Variants in DLG2 observed in about 807,000 individuals in gnomAD.
The protein encoded by DLG2 is disks large homolog 2.
A neutral mutation model predicts 132.5 loss-of-function variants in DLG2; 45 were observed. The observed-to-expected ratio is 0.34, with a 90% CI of 0.27 to 0.44. The LOEUF is 0.44. Among genes scored for constraint, DLG2 ranks in the 20% least tolerant of loss-of-function variants. The pLI is 1.00. For missense variants in DLG2, 1,045 were observed against 1,196.9 expected, an observed-to-expected ratio of 0.87 and a Z score of 1.87; for synonymous variants, 424 against 419.6, an observed-to-expected ratio of 1.01 and a Z score of -0.13.
intron 3 of DLG2, among the ~76,000 whole-genome samples, chr11:85,475,929 C>T (rs1033975617): frequency 4.6e-5 from 7 of 151,982 alleles, no homozygotes; most frequent in Non-Finnish European, 7.4e-5. Flanking sequence ...TAGCAAACTA[C>T]GAATAGACGT....
At chr11:84,712,866 C>G (rs750587670) in intron 6 of DLG2, among the ~76,000 whole-genome samples, 1 of 152,020 alleles carries the variant, frequency 6.6e-6, no homozygotes, top group East Asian at 1.9e-4. Context: ...GAGGTCATGA[C>G]GTAGAAAGAA....
rs56128900 is a variant in DLG2 at position 85,301,932 on chromosome 11, T to C, written c.41-16567A>G. Among the ~76,000 whole-genome samples, 576 of 152,306 alleles carry C rather than the reference T, an allele frequency of 3.8e-3. 4 individuals are homozygous for C. Among genetic ancestry groups the C allele is most frequent in the African/African-American group, 0.013 (545 of 41,578 alleles). On this transcript the variant is annotated intron_variant, in intron 3 of 27. Transcript: ENST00000376104. ...TCATAAAATTGATTCATTTAGAAAA[T>C]GGCTATTCTCTCTGTGTTATTATTT...
intron 6 of DLG2, among the ~76,000 whole-genome samples, chr11:84,804,153 A>C (rs2075739774): frequency 6.6e-6 from 1 of 152,204 alleles, no homozygotes; most frequent in Non-Finnish European, 1.5e-5. Context: ...TTTCAAATTG[A>C]CTAGTCTTTG....
At chr11:85,216,734 T>A (rs2082628293) in intron 4 of DLG2, among the ~76,000 whole-genome samples, 1 of 151,982 alleles carries the variant, frequency 6.6e-6, no homozygotes, top group Admixed American at 6.6e-5. Context: ...TCTCACTCTG[T>A]CACCCAGGCT....
At chr11:85,053,796 CAAAAAAAAA>C (rs34604489) in intron 6 of DLG2, among the ~76,000 whole-genome samples, 1 of 45,804 alleles carries the variant, frequency 2.2e-5, no homozygotes. Flanking sequence ...GACTCTGTCT[CAAAAAAAAA>C]AAAAAAAAAA....
chr11:85,508,129 G>C (rs1360961619), intron 3 of DLG2, among the ~76,000 whole-genome samples: 1 of 152,012 alleles, frequency 6.6e-6, no homozygotes, highest in African/African-American at 2.4e-5. Context: ...AAGGTTTTTA[G>C]CTTATTTGCA....
intron 3 of DLG2, among the ~76,000 whole-genome samples, chr11:85,565,398 T>TTTAA (rs2077476762): frequency 6.6e-6 from 1 of 152,070 alleles, no homozygotes; most frequent in Non-Finnish European, 1.5e-5. Context: ...TTTTAAAGTA[T>TTTAA]ATAATTTAGT....
chr11:85,065,096 G>A (rs894532930), intron 6 of DLG2, among the ~76,000 whole-genome samples: 5 of 151,534 alleles, frequency 3.3e-5, no homozygotes, highest in African/African-American at 9.7e-5. Context: ...GTGGAGAGGG[G>A]TGGGAGGAGT....
At chr11:84,054,743 T>C (rs192459670) in intron 11 of DLG2, among the ~76,000 whole-genome samples, 36 of 152,116 alleles carry the variant, frequency 2.4e-4, no homozygotes, top group East Asian at 7.8e-4. Flanking sequence ...GAGTACGAAA[T>C]TGAAAAACTG....
chr11:85,154,768 G>A (rs1040075607), intron 4 of DLG2, 117 bp from the exon 5 acceptor site: 10 of 556,364 alleles, frequency 1.8e-5, no homozygotes, highest in Non-Finnish European at 3.1e-5. Flanking sequence ...ATTAGATGTT[G>A]CTTATTTCAA....
At chr11:83,868,341 A>G (rs1415245753) in intron 16 of DLG2, among the ~76,000 whole-genome samples, 3 of 152,144 alleles carry the variant, frequency 2.0e-5, no homozygotes, top group Admixed American at 6.6e-5. Context: ...TTATTGGACT[A>G]TAAGTCACAA....
intron 6 of DLG2, among the ~76,000 whole-genome samples, chr11:85,101,860 T>C (rs2070899277): frequency 6.6e-6 from 1 of 152,086 alleles, no homozygotes; most frequent in Non-Finnish European, 1.5e-5. Flanking sequence ...TTCCTTCAGT[T>C]CTGAATGGTA....
intron 15 of DLG2, among the ~76,000 whole-genome samples, chr11:83,882,880 G>GGA (rs2066678801): frequency 6.6e-6 from 1 of 152,162 alleles, no homozygotes; most frequent in African/African-American, 2.4e-5. Flanking sequence ...TTCTTATAAA[G>GGA]GAGAATTAGG....
intron 6 of DLG2, among the ~76,000 whole-genome samples, chr11:84,992,726 A>G (rs2057256360): frequency 1.3e-5 from 2 of 152,056 alleles, no homozygotes; most frequent in Admixed American, 1.3e-4. Context: ...TCATTTGCCC[A>G]CTTTTTGATG....
intron 3 of DLG2, among the ~76,000 whole-genome samples, chr11:85,582,334 C>T (rs985534276): frequency 3.3e-5 from 5 of 151,746 alleles, no homozygotes; most frequent in Admixed American, 1.3e-4. Flanking sequence ...GAGAGTGGGA[C>T]GTTTTAAAGT....
At chr11:84,757,387 T>C (rs747371190) in intron 6 of DLG2, among the ~76,000 whole-genome samples, 3 of 152,154 alleles carry the variant, frequency 2.0e-5, no homozygotes, top group Non-Finnish European at 4.4e-5. Context: ...TTTACAAAAG[T>C]ATTGGTCTGC....
intron 6 of DLG2, among the ~76,000 whole-genome samples, chr11:84,897,261 CTA>C (rs2090329272): frequency 1.4e-5 from 2 of 145,798 alleles, no homozygotes; most frequent in Non-Finnish European, 3.0e-5. Flanking sequence ...ATTTTATGGT[CTA>C]TATGGGTAAT....
chr11:85,473,543 C>G (rs551406872), intron 3 of DLG2, among the ~76,000 whole-genome samples: 18 of 151,626 alleles, frequency 1.2e-4, no homozygotes, highest in African/African-American at 4.4e-4. Flanking sequence ...AATAAATTAG[C>G]AAATATGAGT....
rs915191018 is a variant in DLG2 at position 83,751,316 on chromosome 11, C to T, written c.1825+35374G>A. ...ACAGTAGAGGAAGAGTAGCTAGAAACGAAGTCAGAGAGTAAATGGGAAATG... is the reference window on the plus strand; with the variant it reads ...ACAGTAGAGGAAGAGTAGCTAGAAATGAAGTCAGAGAGTAAATGGGAAATG... On this transcript the variant is annotated intron_variant, in intron 18 of 27. Transcript: ENST00000376104. Among the ~76,000 whole-genome samples, 8 of 152,084 alleles carry T rather than the reference C, an allele frequency of 5.3e-5. No individual in the cohort carries two copies. In the South Asian group the frequency reaches 1.2e-3, roughly 24 times the overall value.
Sources: allele counts gnomAD v4.1 joint callset (sites outside exome capture counted in the v4.1 genomes callset), GRCh38; gene constraint gnomAD v4.1.1; transcripts MANE v1.5; gene names NCBI Gene and HGNC (gene_info 2026-07-23, HGNC 2026-07-21).